Variants in ZNF563 observed in about 807,000 individuals in gnomAD.
ZNF563 encodes the protein zinc finger protein 563.
ZNF563 carries 39 observed loss-of-function variants against 48.5 expected under a neutral mutation model. That is an observed-to-expected ratio of 0.80 (90% CI 0.62 to 1.05). The LOEUF (loss-of-function observed/expected upper bound fraction) is 1.05. ZNF563 is among the 50% of genes least tolerant of loss of function. The pLI is 0.00. For synonymous variants in ZNF563, 168 were observed against 187.9 expected (o/e 0.89, Z 0.87); for missense variants, 538 against 597.0 (o/e 0.90, Z 1.03).
At chr19:12,333,866 C>T, upstream of ZNF563, 1 of 289,256 alleles carries the variant, frequency 3.5e-6, no homozygotes. Context: ...GGGCAGGCTT[C>T]CTCCCTGTGC....
chr19:12,336,318 C>T (rs550599825), upstream of ZNF563, among the ~76,000 whole-genome samples: 9 of 152,114 alleles, frequency 5.9e-5, no homozygotes, highest in East Asian at 1.9e-4. Context: ...CAAGGCCAGG[C>T]GCGGTGGCTC....
chr19:12,342,780 A>T, the ZNF563 span, among the ~76,000 whole-genome samples: 4 of 126,820 alleles, frequency 3.2e-5, no homozygotes, highest in South Asian at 4.5e-4. Flanking sequence ...CTCAAAAATT[A>T]AAAAAAAAAA....
At chr19:12,334,900 CTT>C (rs1269178724), upstream of ZNF563, among the ~76,000 whole-genome samples, 2 of 141,012 alleles carry the variant, frequency 1.4e-5, no homozygotes, top group Non-Finnish European at 1.5e-5. Context: ...AAAAAGGTTA[CTT>C]TAAGGTACTG....
At position 12,319,278 on chromosome 19, in the gene ZNF563, C is replaced by T. The variant is rs758424882; in HGVS notation, c.747G>A (p.Gly249=). Reference sequence around the variant, plus strand: ...ACTGCTTACATTCATACGGTTTCTCCCCAGTGTGCATTCTCTCATGTCTTC... The same window carrying T: ...ACTGCTTACATTCATACGGTTTCTCTCCAGTGTGCATTCTCTCATGTCTTC... ...SYRRHERMHT[G]EKPYECKQCS... is the part of the protein sequence containing the mutation. Residue 249 remains glycine, a synonymous_variant, in exon 4 of 4, where the codon GGG becomes GGA. Coordinates refer to ENST00000293725, the MANE Select transcript of ZNF563 (RefSeq NM_145276.3). The T allele has an allele frequency of 1.2e-6, 2 of 1,612,996 alleles. No individual in the cohort carries two copies. The highest frequency in any genetic ancestry group is 1.7e-5 in the Admixed American group (1 of 59,906).
the ZNF563 span, among the ~76,000 whole-genome samples, chr19:12,345,726 A>T: frequency 6.6e-6 from 1 of 152,150 alleles, no homozygotes; most frequent in African/African-American, 2.4e-5. Flanking sequence ...AGCCTGGCCA[A>T]CATGGTTAAA....
rs1054251394 is a variant in ZNF563 at position 12,331,911 on chromosome 19, G to A, written c.3+1569C>T. Reference sequence around the variant, plus strand: ...CAGAGAAGATAAAAGGAGAAGAGGCGCAGACATTTTTCTTGTTGGTTTTTA... The same window carrying A: ...CAGAGAAGATAAAAGGAGAAGAGGCACAGACATTTTTCTTGTTGGTTTTTA... On this transcript the variant is annotated intron_variant, in intron 1 of 3. Transcript: ENST00000293725. 3.9e-5 allele frequency among the ~76,000 whole-genome samples: 6 copies of A among 152,160 alleles called. No individual in the cohort carries two copies. In the East Asian group the frequency reaches 5.8e-4, roughly 15 times the overall value.
At chr19:12,328,932 T>G (rs1968859882) in intron 1 of ZNF563, among the ~76,000 whole-genome samples, 1 of 152,082 alleles carries the variant, frequency 6.6e-6, no homozygotes, top group Non-Finnish European at 1.5e-5. Flanking sequence ...ACTTGTCACA[T>G]GAAATGCAAA....
intron 2 of ZNF563, among the ~76,000 whole-genome samples, chr19:12,321,833 C>T (rs1968633094): frequency 6.6e-6 from 1 of 152,096 alleles, no homozygotes; most frequent in East Asian, 1.9e-4. Flanking sequence ...CCCTAAGACA[C>T]CAAGATCAAT....
At chr19:12,337,555 T>C (rs1171697487), upstream of ZNF563, among the ~76,000 whole-genome samples, 1 of 152,162 alleles carries the variant, frequency 6.6e-6, no homozygotes, top group Non-Finnish European at 1.5e-5. Context: ...TCCGGTTTTC[T>C]GGGGTACTTT....
intron 1 of ZNF563, among the ~76,000 whole-genome samples, chr19:12,327,487 GAAAA>G (rs1003311051): frequency 6.8e-6 from 1 of 146,292 alleles, no homozygotes; most frequent in Non-Finnish European, 1.5e-5. Context: ...AAAAGAAAAA[GAAAA>G]AAAGAGGTAG....
At chr19:12,324,428 T>C (rs1968718566) in intron 1 of ZNF563, among the ~76,000 whole-genome samples, 1 of 151,868 alleles carries the variant, frequency 6.6e-6, no homozygotes, top group Non-Finnish European at 1.5e-5. Context: ...CTAAAAAACC[T>C]CCTCACTGGC....
chr19:12,332,486 G>T (rs1968947403), intron 1 of ZNF563, among the ~76,000 whole-genome samples: 1 of 151,912 alleles, frequency 6.6e-6, no homozygotes, highest in South Asian at 2.1e-4. Context: ...GAGTAGCTGA[G>T]ATTACAGGCA....
chr19:12,317,604 C>A lies in ZNF563; in HGVS notation c.*990G>T, dbSNP rs1216086095. 4 of 151,514 alleles carry A rather than the reference C, an allele frequency of 2.6e-5. No homozygotes were observed. The highest frequency in any genetic ancestry group is 4.4e-5 in the Non-Finnish European group (3 of 68,058). 9.4% of individuals were successfully genotyped at this position (151,514 alleles called of 1,614,324 possible). On this transcript the variant is annotated 3_prime_UTR_variant, in exon 4 of 4. Transcript: ENST00000293725. ...GATTCAAGTGATTATCCTGCCTCAG[C>A]CTCCTGAGTAGCTGGGATTACAGGC...
At chr19:12,322,859 T>G (rs1968670759) in intron 1 of ZNF563, 148 bp from the exon 2 acceptor site, 1 of 862,948 alleles carries the variant, frequency 1.2e-6, no homozygotes, top group African/African-American at 1.8e-5. Flanking sequence ...TTACACTCAC[T>G]TTCTCTCACA....
At chr19:12,322,339 C>T (rs1169631254) in intron 2 of ZNF563, among the ~76,000 whole-genome samples, 1 of 152,162 alleles carries the variant, frequency 6.6e-6, no homozygotes, top group East Asian at 1.9e-4. Flanking sequence ...CAGGTGTGAG[C>T]CACCGTGCCC....
chr19:12,334,057 A>G (rs1968986604), upstream of ZNF563, among the ~76,000 whole-genome samples: 2 of 152,202 alleles, frequency 1.3e-5, no homozygotes, highest in African/African-American at 4.8e-5. Flanking sequence ...CCAAGGCCAC[A>G]CAGGCCACAC....
the ZNF563 span, among the ~76,000 whole-genome samples, chr19:12,343,113 C>T: frequency 1.3e-5 from 2 of 151,870 alleles, no homozygotes; most frequent in African/African-American, 4.8e-5. Flanking sequence ...AGGAGAATCG[C>T]TTGAACCGGG....
upstream of ZNF563, among the ~76,000 whole-genome samples, chr19:12,335,748 T>C (rs1599579880): frequency 6.6e-6 from 1 of 152,338 alleles, no homozygotes; most frequent in East Asian, 1.9e-4. Context: ...ACAGGCCTTG[T>C]TGGGTTTCCC....
the ZNF563 span, among the ~76,000 whole-genome samples, chr19:12,343,855 C>T: frequency 4.6e-5 from 7 of 151,246 alleles, no homozygotes; most frequent in South Asian, 2.1e-4. Context: ...CTCAGCCTCC[C>T]GAGTATCTAG....
Sources: allele counts gnomAD v4.1 joint callset (sites outside exome capture counted in the v4.1 genomes callset), GRCh38; gene constraint gnomAD v4.1.1; transcripts MANE v1.5; gene names NCBI Gene and HGNC (gene_info 2026-07-23, HGNC 2026-07-21).